The following PRKCB variants were observed in gnomAD, a reference collection of about 807,000 sequenced individuals.
The protein encoded by PRKCB is protein kinase C beta type.
A neutral mutation model predicts 81.5 loss-of-function variants in PRKCB; 13 were observed. That is an observed-to-expected ratio of 0.16 (90% confidence interval 0.10 to 0.25). The LOEUF is 0.25. Ranked by LOEUF, PRKCB falls within the 10% of genes least tolerant of loss-of-function variation. PRKCB has a pLI of 1.00. For synonymous variants in PRKCB, 335 were observed against 321.4 expected (o/e 1.04, Z -0.45); for missense variants, 509 against 875.7 (o/e 0.58, Z 5.29).
intron 2 of PRKCB, among the ~76,000 whole-genome samples, chr16:23,902,127 T>G (rs1343576871): frequency 6.6e-6 from 1 of 152,084 alleles, no homozygotes; most frequent in Non-Finnish European, 1.5e-5. Flanking sequence ...GAGGGCAGCT[T>G]GGGGGAAACT....
At chr16:24,196,620 C>T (rs183917354) in intron 16 of PRKCB, among the ~76,000 whole-genome samples, 79 of 152,260 alleles carry the variant, frequency 5.2e-4, no homozygotes, top group African/African-American at 1.7e-3. Context: ...TGTGCATGCA[C>T]GAGTCACCTG....
chr16:24,160,743 T>C (rs1039624226), intron 10 of PRKCB, among the ~76,000 whole-genome samples: 22 of 152,114 alleles, frequency 1.4e-4, no homozygotes, highest in Admixed American at 9.8e-4. Flanking sequence ...GATGGATGGA[T>C]TGGGGCAGAG....
At chr16:24,071,199 A>G (rs1435801411) in intron 5 of PRKCB, among the ~76,000 whole-genome samples, 1 of 152,010 alleles carries the variant, frequency 6.6e-6, no homozygotes, top group Non-Finnish European at 1.5e-5. Context: ...TACCCTAAGC[A>G]TTCTCTCTTG....
chr16:23,955,385 C>T (rs1026870003), intron 2 of PRKCB, among the ~76,000 whole-genome samples: 12 of 152,094 alleles, frequency 7.9e-5, no homozygotes, highest in Admixed American at 7.2e-4. Flanking sequence ...TGGACTGTAC[C>T]CATGCCCCTG....
intron 2 of PRKCB, among the ~76,000 whole-genome samples, chr16:23,892,299 A>G (rs1434390367): frequency 1.3e-5 from 2 of 152,146 alleles, no homozygotes; most frequent in African/African-American, 4.8e-5. Flanking sequence ...TTCGTGCTTT[A>G]TGCCCTAGAC....
At chr16:24,185,956 G>A (rs1191049498) in intron 15 of PRKCB, among the ~76,000 whole-genome samples, 2 of 152,232 alleles carry the variant, frequency 1.3e-5, no homozygotes, top group African/African-American at 4.8e-5. Flanking sequence ...TGCTGTATGT[G>A]TTTAGTTAAT....
chr16:23,859,043 A>G (rs1962620074), intron 2 of PRKCB, among the ~76,000 whole-genome samples: 1 of 152,106 alleles, frequency 6.6e-6, no homozygotes, highest in African/African-American at 2.4e-5. Flanking sequence ...AGGTGGGAGG[A>G]TCCCTTGAGC....
rs1334515978 is a variant in PRKCB at position 24,218,561 on chromosome 16, A to AT, written c.*3746dup. On this transcript the variant is annotated 3_prime_UTR_variant, in exon 17 of 17. Transcript: ENST00000643927. Reference sequence around the variant, plus strand: ...TTGGCAAGAGTAAGGAGGGAACTCCATAGAGACATTTTACCTATCTCAGGG... The same window carrying AT: ...TTGGCAAGAGTAAGGAGGGAACTCCATTAGAGACATTTTACCTATCTCAGGG... 14 of 985,346 alleles carry AT rather than the reference A, an allele frequency of 1.4e-5. No individual in the cohort carries two copies. Among genetic ancestry groups the AT allele is most frequent in the Non-Finnish European group, 1.7e-5 (14 of 829,962 alleles). 61.0% of individuals were successfully genotyped at this position (985,346 alleles called of 1,614,324 possible).
chr16:23,875,730 TATATATGTATGTATATCACAC>T (rs1359634749), intron 2 of PRKCB, among the ~76,000 whole-genome samples: 2,647 of 61,726 alleles, frequency 0.043, 224 homozygotes, highest in South Asian at 0.079. Flanking sequence ...ATATCACACA[TATATATGTATGTATATCACAC>T]ATATATGTAT....
intron 3 of PRKCB, among the ~76,000 whole-genome samples, chr16:24,025,358 A>ACTTTAT: frequency 6.6e-6 from 1 of 152,338 alleles, no homozygotes; most frequent in Non-Finnish European, 1.5e-5. Flanking sequence ...CAGGGGTAGT[A>ACTTTAT]AGTAGTATGT....
intron 2 of PRKCB, among the ~76,000 whole-genome samples, chr16:23,901,839 T>G (rs948386621): frequency 2.0e-5 from 3 of 152,220 alleles, no homozygotes; most frequent in African/African-American, 7.2e-5. Context: ...AAAGTCAGTC[T>G]GGGTTTGCAA....
At chr16:24,093,052 T>G (rs1966396088) in intron 6 of PRKCB, 105 bp downstream of exon 6, 1 of 1,203,160 alleles carries the variant, frequency 8.3e-7, no homozygotes, top group Non-Finnish European at 1.1e-6. Context: ...CTTCCTTCCC[T>G]ACCTCCCTCC....
intron 2 of PRKCB, among the ~76,000 whole-genome samples, chr16:23,926,567 T>C (rs1189348842): frequency 6.6e-6 from 1 of 151,536 alleles, no homozygotes; most frequent in East Asian, 1.9e-4. Context: ...CTATTGTGTG[T>C]ATGTATATAT....
intron 2 of PRKCB, among the ~76,000 whole-genome samples, chr16:23,878,328 A>G (rs1185279333): frequency 1.3e-5 from 2 of 152,172 alleles, no homozygotes; most frequent in East Asian, 1.9e-4. Flanking sequence ...ACCTTAATAT[A>G]TATTGTTGAC....
intron 2 of PRKCB, among the ~76,000 whole-genome samples, chr16:23,839,103 C>T (rs1368722782): frequency 6.6e-6 from 1 of 152,112 alleles, no homozygotes; most frequent in Non-Finnish European, 1.5e-5. Context: ...ATGCCACCTG[C>T]TCTGCTGTTA....
intron 12 of PRKCB, among the ~76,000 whole-genome samples, chr16:24,176,990 C>A (rs1230032762): frequency 6.6e-6 from 1 of 152,064 alleles, no homozygotes; most frequent in Non-Finnish European, 1.5e-5. Flanking sequence ...AAGAGACAGG[C>A]ATCATGGGTG....
At chr16:24,076,185 G>A (rs190279141) in intron 5 of PRKCB, among the ~76,000 whole-genome samples, 48 of 152,322 alleles carry the variant, frequency 3.2e-4, no homozygotes, top group African/African-American at 1.2e-3. Context: ...CAGTCATGGT[G>A]TGAGGGAAAG....
chr16:23,906,089 G>A (rs987161449), intron 2 of PRKCB, among the ~76,000 whole-genome samples: 1 of 152,200 alleles, frequency 6.6e-6, no homozygotes, highest in Admixed American at 6.5e-5. Context: ...GAATCATGAG[G>A]ACGGAGGATA....
At chr16:23,904,415 C>T (rs1963526362) in intron 2 of PRKCB, among the ~76,000 whole-genome samples, 1 of 152,178 alleles carries the variant, frequency 6.6e-6, no homozygotes, top group Non-Finnish European at 1.5e-5. Context: ...GTAATCCCAG[C>T]ACTTTGGGAG....
Sources: gnomAD v4.1 joint callset for allele counts (sites outside exome capture counted in the v4.1 genomes callset) on GRCh38, gnomAD v4.1.1 for gene constraint, MANE v1.5 for transcripts, NCBI Gene and HGNC (gene_info 2026-07-23, HGNC 2026-07-21) for gene names.